SLC4A5: variants seen among roughly 807,000 people sequenced by gnomAD.
SLC4A5 encodes solute carrier family 4 member 5, also known as electrogenic sodium bicarbonate cotransporter 4.
In SLC4A5, 96 loss-of-function variants were observed where a neutral mutation model predicts 120.4. The ratio of observed to expected loss-of-function variants is 0.80; its 90% CI spans 0.68 to 0.94. SLC4A5 has a LOEUF of 0.94. SLC4A5 is among the 40% of genes least tolerant of loss of function. The pLI is 0.00. For synonymous variants in SLC4A5, 550 were observed against 571.1 expected (o/e 0.96, Z 0.53); for missense variants, 1,259 against 1,459.5 (o/e 0.86, Z 2.24).
chr2:74,321,789 T>C (rs1673105183), intron 5 of SLC4A5, among the ~76,000 whole-genome samples: 1 of 151,648 alleles, frequency 6.6e-6, no homozygotes, highest in Non-Finnish European at 1.5e-5. Context: ...TGATTGCCAG[T>C]AGTCACCTTC....
intron 8 of SLC4A5, among the ~76,000 whole-genome samples, chr2:74,275,220 G>T (rs998588799): frequency 5.3e-5 from 8 of 152,200 alleles, no homozygotes; most frequent in African/African-American, 1.4e-4. Flanking sequence ...GTGGTGAATG[G>T]AATGGGGGTG....
rs187885473 is a variant in SLC4A5 at position 74,314,048 on chromosome 2, T to C, written c.79+897A>G. ...TAGAATGGGATCATGTATAAGAACA[T>C]GATTATGCAAATTGTAAGGGACTAT... On this transcript the variant is annotated intron_variant, in intron 6 of 30. Coordinates refer to ENST00000394019, the Ensembl canonical transcript of SLC4A5. Among the ~76,000 whole-genome samples the C allele has an allele frequency of 4.9e-4, 74 of 152,316 alleles. 1 individual carries two copies. Among genetic ancestry groups the C allele is most frequent in the African/African-American group, 1.7e-3 (69 of 41,570 alleles).
Position 74,255,962 on chromosome 2 carries a change from A to G in SLC4A5, c.868-30T>C. On this transcript the variant is annotated intron_variant, in intron 12 of 30. Coordinates refer to ENST00000394019, the Ensembl canonical transcript of SLC4A5. The surrounding 1 kb of genome is among the most constrained non-coding windows in gnomAD (Gnocchi z 4.0). ...ACAGGGAGGGGAAACGAGATAGCCA[A>G]GGAGACTCCCACCTGCTCTCACTCC... is the stretch of plus-strand genomic sequence containing the variant. 1 of 1,609,146 alleles carries G rather than the reference A, an allele frequency of 6.2e-7. No individual in the cohort carries two copies. Among genetic ancestry groups the G allele is most frequent in the Non-Finnish European group, 8.5e-7 (1 of 1,175,990 alleles).
In SLC4A5 at chr2:74,320,582, C is replaced by T. The variant is rs141427601; in HGVS notation, c.-2-5557G>A. Among the ~76,000 whole-genome samples the T allele has an allele frequency of 3.3e-5, 5 of 152,210 alleles. No individual in the cohort carries two copies. The South Asian group carries it at 1.0e-3, about 32-fold the overall frequency. On this transcript the variant is annotated intron_variant, in intron 5 of 30. Transcript: ENST00000394019. ...ATCAAGTGGGAGGGTAGAATAGGGG[C>T]ATTTTCAGACATAAACTATCTCAAA...
intron 8 of SLC4A5, among the ~76,000 whole-genome samples, chr2:74,276,779 T>TCTGGGTCCC (rs1671656104): frequency 6.7e-6 from 1 of 149,666 alleles, no homozygotes; most frequent in Non-Finnish European, 1.5e-5. Flanking sequence ...CTACCTCTGA[T>TCTGGGTCCC]CTGGGTCCCA....
At chr2:74,232,556 G>A (rs149193693) in exon 24 of SLC4A5, 22 of 1,613,844 alleles carry the variant, frequency 1.4e-5, no homozygotes, top group African/African-American at 1.1e-4. Flanking sequence ...GGAGATGACC[G>A]TGGCAGCCAC....
intron 7 of SLC4A5, among the ~76,000 whole-genome samples, chr2:74,296,725 T>A (rs1672340906): frequency 6.8e-6 from 1 of 146,310 alleles, no homozygotes; most frequent in Admixed American, 6.9e-5. Context: ...GAGCGGAGGT[T>A]GTAGTGAGCC....
intron 3 of SLC4A5, 90 bp downstream of exon 3, chr2:74,338,765 G>A (rs1021966077): frequency 1.3e-5 from 2 of 152,232 alleles, no homozygotes; most frequent in African/African-American, 4.8e-5. Context: ...GGTGAGCCCA[G>A]ATCGTGCCAC....
Position 74,255,801 on chromosome 2 carries a change from T to A in SLC4A5, c.999A>T (p.Gly333=). 1 of 1,614,066 alleles carries A rather than the reference T, an allele frequency of 6.2e-7. No homozygotes were observed. The highest frequency in any genetic ancestry group is 8.5e-7 in the Non-Finnish European group (1 of 1,180,010). Residue 333 remains glycine (G), a synonymous_variant, in exon 13 of 31, where the codon GGA becomes GGT. Coordinates refer to ENST00000394019, the Ensembl canonical transcript of SLC4A5. This position sits in a 1 kb window ranked among gnomAD's most constrained non-coding sequence, Gnocchi z 4.0. ...TGGTGGGGACAGGCACCTCGGTCAC[T>A]CCTCCCAGCATGGCCGACTGGATGA... is the stretch of plus-strand genomic sequence containing the variant.
At chr2:74,253,959 G>C (rs1375615161) in intron 14 of SLC4A5, among the ~76,000 whole-genome samples, 2 of 152,194 alleles carry the variant, frequency 1.3e-5, no homozygotes, top group Admixed American at 6.5e-5. Context: ...TAAGTAGAAT[G>C]ATGTCTTTTG....
chr2:74,254,509 T>C, intron 14 of SLC4A5, 110 bp downstream of exon 14: 1 of 815,912 alleles, frequency 1.2e-6, no homozygotes, highest in Non-Finnish European at 2.1e-6. Flanking sequence ...TAGTGCCTGG[T>C]ACACAGTAGG....
At chr2:74,240,318 C>G (rs1162534906) in intron 20 of SLC4A5, among the ~76,000 whole-genome samples, 2 of 152,162 alleles carry the variant, frequency 1.3e-5, no homozygotes, top group Non-Finnish European at 2.9e-5. Flanking sequence ...CCAGCAGCCT[C>G]CTTTCCTGCC....
intron 7 of SLC4A5, among the ~76,000 whole-genome samples, chr2:74,304,078 T>C (rs1200853779): frequency 1.3e-5 from 2 of 152,096 alleles, no homozygotes; most frequent in African/African-American, 4.8e-5. Flanking sequence ...CTCGATCTCC[T>C]GACCTCGTGA....
At chr2:74,314,751 G>C (rs1672910511) in intron 6 of SLC4A5, among the ~76,000 whole-genome samples, 194 bp downstream of exon 6, 1 of 152,202 alleles carries the variant, frequency 6.6e-6, no homozygotes, top group Non-Finnish European at 1.5e-5. Flanking sequence ...GCAGTTTCCT[G>C]TCTCCAGCTT....
At chr2:74,235,164 G>T in exon 22 of SLC4A5, 3 of 1,614,132 alleles carry the variant, frequency 1.9e-6, no homozygotes, top group Non-Finnish European at 2.5e-6. Context: ...CGATTCCACA[G>T]AACATCAGGA....
chr2:74,244,889 C>G (rs1229502139), intron 19 of SLC4A5, among the ~76,000 whole-genome samples: 1 of 152,228 alleles, frequency 6.6e-6, no homozygotes, highest in African/African-American at 2.4e-5. Context: ...CATCAGGCAC[C>G]TGGGCAAAGC....
In SLC4A5 at chr2:74,314,978, T is replaced by C. The variant is rs549462723; in HGVS notation, c.46A>G (p.Thr16Ala). 5 of 1,613,986 alleles carry C rather than the reference T, an allele frequency of 3.1e-6. No homozygotes were observed. Residue 16 changes from threonine (T) to alanine (A), a missense_variant, in exon 6 of 31, where the codon ACT becomes GCT. By Grantham distance (58) the Thr-to-Ala change is moderately conservative (BLOSUM62 0). Transcript: ENST00000394019. ...TCCGGAAATCTCCTCCTGTGGTTAG[T>C]GTGGTCCAGCTTTCCTACCCCAGCC...
At chr2:74,293,461 T>C (rs746278087) in intron 7 of SLC4A5, among the ~76,000 whole-genome samples, 3 of 152,182 alleles carry the variant, frequency 2.0e-5, no homozygotes, top group Non-Finnish European at 2.9e-5. Context: ...TGGACACCTG[T>C]CCCAAGCCTG....
At chr2:74,239,293 T>C (rs758222125) in intron 21 of SLC4A5, 42 bp downstream of exon 21, 5 of 1,586,404 alleles carry the variant, frequency 3.2e-6, no homozygotes, top group Non-Finnish European at 4.3e-6. Flanking sequence ...ACTCAGCAGC[T>C]GTCTGACTGC....
Sources: allele counts gnomAD v4.1 joint callset (sites outside exome capture counted in the v4.1 genomes callset), GRCh38; gene constraint gnomAD v4.1.1; non-coding constraint Gnocchi (gnomAD v3.1); transcripts MANE v1.5; gene names NCBI Gene and HGNC (gene_info 2026-07-23, HGNC 2026-07-21).